The following AKAP19 variants were observed in gnomAD, a reference collection of about 807,000 sequenced individuals.
AKAP19 encodes the protein small A-kinase anchoring protein.
the AKAP19 span, among the ~76,000 whole-genome samples, chr2:189,951,357 G>T: frequency 6.6e-6 from 1 of 151,696 alleles, no homozygotes; most frequent in Non-Finnish European, 1.5e-5. Context: ...ATGTGCCAGC[G>T]CACCCGGCTA....
chr2:190,066,554 T>G, the AKAP19 span, among the ~76,000 whole-genome samples: 1 of 152,170 alleles, frequency 6.6e-6, no homozygotes. Context: ...TGATTATTCT[T>G]AGAGCCAGAA....
At chr2:189,899,804 T>TTCTC in the AKAP19 span, among the ~76,000 whole-genome samples, 141,326 of 151,872 alleles carry the variant, frequency 0.93, 65,931 homozygotes, top group East Asian at 0.98. Flanking sequence ...CTATATTTCT[T>TTCTC]TACTTTTTAC....
chr2:190,073,464 C>A, the AKAP19 span, among the ~76,000 whole-genome samples: 61 of 152,032 alleles, frequency 4.0e-4, no homozygotes, highest in African/African-American at 1.4e-3. Context: ...GTGTATATAC[C>A]AGGTCTCCTT....
chr2:190,043,946 A>C, the AKAP19 span, among the ~76,000 whole-genome samples: 3 of 152,164 alleles, frequency 2.0e-5, no homozygotes, highest in Non-Finnish European at 2.9e-5. Flanking sequence ...CTGGTTTCAG[A>C]AGGGAATATG....
chr2:189,890,898 G>A, the AKAP19 span, among the ~76,000 whole-genome samples: 3 of 151,968 alleles, frequency 2.0e-5, no homozygotes, highest in East Asian at 3.9e-4. Context: ...TTTTAATTGG[G>A]GCATTTAGCC....
the AKAP19 span, among the ~76,000 whole-genome samples, chr2:190,141,760 A>G: frequency 6.6e-6 from 1 of 152,182 alleles, no homozygotes; most frequent in Non-Finnish European, 1.5e-5. Flanking sequence ...TATTGAGCAA[A>G]GGGGGCTTGC....
the AKAP19 span, among the ~76,000 whole-genome samples, chr2:190,102,737 G>A: frequency 2.6e-5 from 4 of 152,134 alleles, no homozygotes; most frequent in African/African-American, 9.7e-5. Context: ...AGAGCAGACA[G>A]ATTCACGGAC....
At chr2:189,971,807 C>T in the AKAP19 span, among the ~76,000 whole-genome samples, 5 of 147,076 alleles carry the variant, frequency 3.4e-5, no homozygotes, top group African/African-American at 5.1e-5. Flanking sequence ...TCATATCCTT[C>T]ACCCACTTTT....
At chr2:189,985,375 T>A in the AKAP19 span, among the ~76,000 whole-genome samples, 1 of 152,228 alleles carries the variant, frequency 6.6e-6, no homozygotes, top group African/African-American at 2.4e-5. Flanking sequence ...TTTCAACTTA[T>A]GATGGGTTTA....
the AKAP19 span, among the ~76,000 whole-genome samples, chr2:189,999,860 G>T: frequency 6.6e-6 from 1 of 152,142 alleles, no homozygotes; most frequent in African/African-American, 2.4e-5. Context: ...GTTTAACTTT[G>T]TTTTTGGACA....
At chr2:189,926,594 T>A in the AKAP19 span, among the ~76,000 whole-genome samples, 1 of 145,204 alleles carries the variant, frequency 6.9e-6, no homozygotes, top group Non-Finnish European at 1.5e-5. Context: ...CCTTTTTTTT[T>A]TTTTTTTTTT....
chr2:190,078,936 A>G, the AKAP19 span, among the ~76,000 whole-genome samples: 6 of 152,214 alleles, frequency 3.9e-5, no homozygotes, highest in Non-Finnish European at 8.8e-5. Context: ...ATGTACTGAC[A>G]TAGAAAGGTA....
chr2:190,002,119 G>A, the AKAP19 span, among the ~76,000 whole-genome samples: 1 of 152,180 alleles, frequency 6.6e-6, no homozygotes, highest in Non-Finnish European at 1.5e-5. Context: ...AGTAGCCTTA[G>A]GCCAGACACC....
At chr2:190,022,121 G>T in the AKAP19 span, among the ~76,000 whole-genome samples, 1 of 151,992 alleles carries the variant, frequency 6.6e-6, no homozygotes, top group African/African-American at 2.4e-5. Context: ...ATTCATGAAG[G>T]CAGGGTCATC....
At chr2:190,089,869 T>C in the AKAP19 span, among the ~76,000 whole-genome samples, 2 of 152,342 alleles carry the variant, frequency 1.3e-5, no homozygotes, top group South Asian at 4.1e-4. Context: ...GGGTTCAGTC[T>C]GCCCCAAATG....
At chr2:189,915,414 C>G in the AKAP19 span, among the ~76,000 whole-genome samples, 1 of 152,076 alleles carries the variant, frequency 6.6e-6, no homozygotes, top group African/African-American at 2.4e-5. Flanking sequence ...TCATTACTAA[C>G]TACTTCTATA....
At chr2:190,034,484 G>C in the AKAP19 span, among the ~76,000 whole-genome samples, 1 of 133,310 alleles carries the variant, frequency 7.5e-6, no homozygotes, top group Admixed American at 9.5e-5. Context: ...GAAAAGTAGG[G>C]CAGGATCATT....
At chr2:190,102,914 C>A in the AKAP19 span, among the ~76,000 whole-genome samples, 1 of 152,088 alleles carries the variant, frequency 6.6e-6, no homozygotes. Context: ...AGGCCAATAT[C>A]CCTGATGAAC....
chr2:189,948,157 T>C, the AKAP19 span, among the ~76,000 whole-genome samples: 1 of 152,216 alleles, frequency 6.6e-6, no homozygotes, highest in Non-Finnish European at 1.5e-5. Context: ...GAATTAAAAA[T>C]GTATAGCATT....
Sources: allele counts gnomAD v4.1 joint callset (sites outside exome capture counted in the v4.1 genomes callset), GRCh38; gene constraint gnomAD v4.1.1; transcripts MANE v1.5; gene names NCBI Gene and HGNC (gene_info 2026-07-23, HGNC 2026-07-21).